Variants in DUSP22 observed in about 807,000 individuals in gnomAD.
DUSP22 encodes the protein dual specificity protein phosphatase 22.
In DUSP22, 24 loss-of-function variants were observed where a neutral mutation model predicts 24.5. That is an observed-to-expected ratio of 0.98 (90% CI 0.71 to 1.38). The LOEUF (loss-of-function observed/expected upper bound fraction) is 1.38, where lower values mean the gene tolerates loss of function less well. DUSP22 is among the 40% of genes most tolerant of loss of function. The pLI is 0.00. For synonymous variants in DUSP22, 160 were observed against 106.4 expected (o/e 1.50, Z -3.10); for missense variants, 330 against 269.2 (o/e 1.23, Z -1.58).
At chr6:330,934 C>A (rs1003656212) in intron 3 of DUSP22, among the ~76,000 whole-genome samples, 5 of 152,296 alleles carry the variant, frequency 3.3e-5, no homozygotes, top group African/African-American at 1.2e-4. Flanking sequence ...TAGTAATATA[C>A]GGTGTACACC....
At chr6:314,268 A>G (rs892293312) in intron 3 of DUSP22, among the ~76,000 whole-genome samples, 160 of 152,364 alleles carry the variant, frequency 1.1e-3, no homozygotes, top group African/African-American at 3.6e-3. Context: ...CTTCAAAACC[A>G]TACGTATTTA....
At chr6:321,579 A>T (rs1758590834) in intron 3 of DUSP22, among the ~76,000 whole-genome samples, 1 of 152,304 alleles carries the variant, frequency 6.6e-6, no homozygotes, top group African/African-American at 2.4e-5. Context: ...CCATAAAGTG[A>T]CATAACAAAG....
In DUSP22 at chr6:350,252, G is replaced by A; in HGVS notation, c.*1301G>A. On this transcript the variant is annotated 3_prime_UTR_variant, in exon 7 of 7. Transcript: ENST00000419235. ...AGTTTGGGCTCCAGTAATGCTTTCT[G>A]GTGGGTAAAATTCCACATTCAGGCC... is the stretch of plus-strand genomic sequence containing the variant. 1 of 988,798 alleles carries A rather than the reference G, an allele frequency of 1.0e-6. No homozygotes were observed. Among genetic ancestry groups the A allele is most frequent in the South Asian group, 4.6e-5 (1 of 21,514 alleles). 61.3% of individuals were successfully genotyped at this position (988,798 alleles called of 1,614,324 possible). A position where few individuals can be genotyped will look rare whatever the true frequency, so the allele number is the denominator to read the frequency against.
At chr6:312,435 C>T (rs550371906) in intron 3 of DUSP22, among the ~76,000 whole-genome samples, 1 of 151,900 alleles carries the variant, frequency 6.6e-6, no homozygotes, top group South Asian at 2.1e-4. Flanking sequence ...AATGTGGAGA[C>T]TCTCGGTGTA....
Position 349,251 on chromosome 6 carries a change from A to T in DUSP22, c.*300A>T. On this transcript the variant is annotated 3_prime_UTR_variant, in exon 7 of 7. Coordinates refer to ENST00000419235, the MANE Select transcript of DUSP22 (RefSeq NM_001286555.3). ...TGTGTGTGGGTGACTAAGTGGATGC[A>T]TGTGTGTGCCTGTGTGAGTGAGGGT... is the stretch of plus-strand genomic sequence containing the variant. 1 of 1,348,328 alleles carries T rather than the reference A, an allele frequency of 7.4e-7. No individual in the cohort carries two copies. Among genetic ancestry groups the T allele is most frequent in the Non-Finnish European group, 9.6e-7 (1 of 1,046,552 alleles). 83.5% of individuals were successfully genotyped at this position (1,348,328 alleles called of 1,614,324 possible).
chr6:309,563 T>A (rs1032037881), intron 2 of DUSP22, among the ~76,000 whole-genome samples: 1 of 152,300 alleles, frequency 6.6e-6, no homozygotes, highest in South Asian at 2.1e-4. Flanking sequence ...GTTTCTTGAC[T>A]TCTGCTTCAT....
At position 348,006 on chromosome 6, in the gene DUSP22, G is replaced by C. The variant is rs555639053; in HGVS notation, c.264-97G>C. 3,875 of 1,538,294 alleles carry C rather than the reference G, an allele frequency of 2.5e-3. 1 individual carries two copies. The highest frequency in any genetic ancestry group is 3.0e-3 in the Non-Finnish European group (3,394 of 1,132,502). The stretch of plus-strand genomic sequence containing the variant: ...ATAATCCAAGGCAGGAAGACTTTCT[G>C]AACAAGGTCCTTAGAGTCCCCCGCT... On this transcript the variant is annotated intron_variant, in intron 5 of 6. Transcript: ENST00000419235.
Position 343,286 on chromosome 6 carries a change from C to T in DUSP22, c.189-2568C>T, listed in dbSNP as rs550180822. 1.2e-4 allele frequency among the ~76,000 whole-genome samples: 18 copies of T among 152,412 alleles called. No homozygotes were observed. In the East Asian group the frequency reaches 3.3e-3, roughly 28 times the overall value. On this transcript the variant is annotated intron_variant, in intron 4 of 6. Transcript: ENST00000419235. ...CAACTCATCTGGCCCAGAAGTGGCT[C>T]CAGACTGCTGGTCTGCAACTTGCCT...
intron 3 of DUSP22, among the ~76,000 whole-genome samples, chr6:312,258 C>A (rs1362413616): frequency 6.6e-6 from 1 of 152,308 alleles, no homozygotes. Flanking sequence ...GACATTTAAA[C>A]CCCATTTTCA....
At chr6:300,543 G>A (rs1056857824) in intron 1 of DUSP22, among the ~76,000 whole-genome samples, 6 of 152,306 alleles carry the variant, frequency 3.9e-5, no homozygotes, top group Non-Finnish European at 4.4e-5. Context: ...TCAAAGAGGA[G>A]CACATGAGTG....
chr6:292,635 G>T, intron 1 of DUSP22, 75 bp downstream of exon 1: 2 of 1,542,974 alleles, frequency 1.3e-6, no homozygotes, highest in South Asian at 1.2e-5. Context: ...TCGGCTGCCC[G>T]ACGACTCGAG....
intron 3 of DUSP22, among the ~76,000 whole-genome samples, chr6:314,918 A>C (rs1758273588): frequency 6.6e-6 from 1 of 152,310 alleles, no homozygotes; most frequent in Admixed American, 6.5e-5. Context: ...GGTTTCCCAA[A>C]ATAGCATTCA....
intron 1 of DUSP22, among the ~76,000 whole-genome samples, chr6:300,044 G>T (rs1398651970): frequency 5.9e-5 from 9 of 152,308 alleles, no homozygotes; most frequent in Non-Finnish European, 7.3e-5. Context: ...GATACAGGCA[G>T]CAGGTAGAGA....
chr6:312,281 T>C (rs1174443982), intron 3 of DUSP22, among the ~76,000 whole-genome samples: 2 of 152,304 alleles, frequency 1.3e-5, no homozygotes, highest in African/African-American at 4.8e-5. Context: ...CCTTTCAGAA[T>C]TATCTCTGGT....
intron 2 of DUSP22, among the ~76,000 whole-genome samples, chr6:310,762 T>G (rs1002071096): frequency 6.6e-6 from 1 of 152,304 alleles, no homozygotes; most frequent in Admixed American, 6.5e-5. Flanking sequence ...CCTAATATTA[T>G]GTGTCTCATG....
At chr6:295,080 TAAA>T (rs57047001) in intron 1 of DUSP22, among the ~76,000 whole-genome samples, 1 of 152,158 alleles carries the variant, frequency 6.6e-6, no homozygotes, top group Admixed American at 6.5e-5. Context: ...GCTTCATCTG[TAAA>T]AAAAGAAGAA....
chr6:309,859 C>A lies in DUSP22; in HGVS notation c.56-2021C>A, dbSNP rs1425763477. On this transcript the variant is annotated intron_variant, in intron 2 of 6. Coordinates refer to ENST00000419235, the MANE Select transcript of DUSP22 (RefSeq NM_001286555.3). ...TTTGTGTCATATTTATGGTTTGGTA[C>A]CTGCTTTACATTATACCCTGAGCAT... Among the ~76,000 whole-genome samples the A allele has an allele frequency of 7.2e-5, 11 of 152,416 alleles. No homozygotes were observed. The East Asian group carries it at 2.1e-3, about 29-fold the overall frequency.
chr6:326,626 G>A (rs1445174870), intron 3 of DUSP22, among the ~76,000 whole-genome samples: 3 of 152,300 alleles, frequency 2.0e-5, no homozygotes, highest in African/African-American at 7.2e-5. Flanking sequence ...TGGTAATTAT[G>A]CAGATGGGAT....
chr6:349,104 C>A lies in DUSP22; in HGVS notation c.*153C>A. The A allele has an allele frequency of 1.4e-6, 2 of 1,453,310 alleles. No individual in the cohort carries two copies. The highest frequency in any genetic ancestry group is 1.4e-5 in the South Asian group (1 of 69,110). 90.0% of individuals were successfully genotyped at this position (1,453,310 alleles called of 1,614,324 possible). On this transcript the variant is annotated 3_prime_UTR_variant, in exon 7 of 7. Transcript: ENST00000419235. ...CTTCCCCCAAGCAACACCGCCCAGC[C>A]CTGCTCCAGGCCCCTGCACTCCGCC...
Sources: gnomAD v4.1 joint callset for allele counts (sites outside exome capture counted in the v4.1 genomes callset) on GRCh38, gnomAD v4.1.1 for gene constraint, MANE v1.5 for transcripts, NCBI Gene and HGNC (gene_info 2026-07-23, HGNC 2026-07-21) for gene names.